DENND5B: variants seen among roughly 807,000 people sequenced by gnomAD.
DENND5B encodes the protein DENN domain-containing protein 5B.
Under a neutral mutation model 140.6 loss-of-function variants are expected in DENND5B, and 34 were observed. The ratio of observed to expected loss-of-function variants is 0.24; its 90% CI spans 0.18 to 0.32. The LOEUF (loss-of-function observed/expected upper bound fraction) is 0.32, where lower values mean the gene tolerates loss of function less well. Ranked by LOEUF, DENND5B falls within the 10% of genes least tolerant of loss-of-function variation. DENND5B has a pLI of 1.00. For missense variants in DENND5B, 1,142 were observed against 1,560.2 expected (o/e 0.73, Z 4.52); for synonymous variants, 551 against 562.1 (o/e 0.98, Z 0.28).
chr12:31,390,073 A>T (rs896469360), intron 19 of DENND5B, among the ~76,000 whole-genome samples: 6 of 152,182 alleles, frequency 3.9e-5, no homozygotes, highest in African/African-American at 1.4e-4. Context: ...AGTTAGATGA[A>T]ATAAACTACT....
chr12:31,590,848 C>G lies in DENND5B; in HGVS notation c.-16G>C. 3.3e-6 allele frequency: 4 copies of G among 1,209,448 alleles called. No individual in the cohort carries two copies. The South Asian group carries it at 1.2e-4, about 36-fold the overall frequency. The allele number at this position is 1,209,448 out of a possible 1,614,324, so 74.9% of individuals were successfully genotyped here. On this transcript the variant is annotated 5_prime_UTR_variant, in exon 1 of 21. Transcript: ENST00000389082. ...TCCCGCTCATCCCGGCCGCGCTGCT[C>G]CAGGGGCCGCCGCCGCCGCCGCCCG...
Position 31,426,443 on chromosome 12 carries a change from T to A in DENND5B, c.2107-19A>T. Reference sequence around the variant, plus strand: ...TATATTTCTAAAAAATCAAGGAGTATTTTTAATGCGTAAACATTAGCTATT... The same window carrying A: ...TATATTTCTAAAAAATCAAGGAGTAATTTTAATGCGTAAACATTAGCTATT... On this transcript the variant is annotated intron_variant, in intron 8 of 20. Transcript: ENST00000389082. 6.2e-7 allele frequency: 1 copy of A among 1,602,664 alleles called. No homozygotes were observed. Among genetic ancestry groups the A allele is most frequent in the Non-Finnish European group, 8.5e-7 (1 of 1,174,686 alleles).
At chr12:31,475,741 C>A (rs192264833) in intron 3 of DENND5B, among the ~76,000 whole-genome samples, 40 of 150,104 alleles carry the variant, frequency 2.7e-4, no homozygotes, top group Admixed American at 1.7e-3. Flanking sequence ...AGAGTGACAC[C>A]CTGTCTCAAA....
Position 31,590,765 on chromosome 12 carries a change from T to G in DENND5B, c.68A>C (p.His23Pro). Residue 23 changes from histidine to proline, a missense_variant, in exon 1 of 21, where the codon CAC becomes CCC. By Grantham distance (77) the His-to-Pro change is moderately conservative (BLOSUM62 -2). Around this residue, in one of 5 missense-constraint regions of DENND5B, gnomAD observed 708 missense variants for 905.5 expected, o/e 0.78. Transcript: ENST00000389082. Reference sequence around the variant, plus strand: ...GTCGATCCCGCACAGCACGAAGTAGTGCGCGAAGCGGCAGGCGGCCGGGGA... The same window carrying G: ...GTCGATCCCGCACAGCACGAAGTAGGGCGCGAAGCGGCAGGCGGCCGGGGA... ...GSSPAACRFAHYFVLCGIDAD... is the reference protein window; with the variant it reads ...GSSPAACRFAPYFVLCGIDAD... 7.2e-7 allele frequency: 1 copy of G among 1,395,586 alleles called. No individual in the cohort carries two copies. The highest frequency in any genetic ancestry group is 9.3e-7 in the Non-Finnish European group (1 of 1,074,072). The allele number at this position is 1,395,586 out of a possible 1,614,324, so 86.5% of individuals were successfully genotyped here.
intron 1 of DENND5B, among the ~76,000 whole-genome samples, chr12:31,513,723 G>A (rs926053045): frequency 6.6e-6 from 1 of 151,770 alleles, no homozygotes; most frequent in African/African-American, 2.4e-5. Flanking sequence ...CATATTTCTT[G>A]CCCCATTTCT....
rs1288897854 is a variant in DENND5B at position 31,479,533 on chromosome 12, T to A, written c.904+56A>T. Reference sequence around the variant, plus strand: ...AATAATATACCCCATGGAAACACAGTAGTTGGGAGCAAAAGTACTTGTTTT... The same window carrying A: ...AATAATATACCCCATGGAAACACAGAAGTTGGGAGCAAAAGTACTTGTTTT... On this transcript the variant is annotated intron_variant, in intron 3 of 20. Coordinates refer to ENST00000389082, the MANE Select transcript of DENND5B (RefSeq NM_144973.4). 5 of 1,400,862 alleles carry A rather than the reference T, an allele frequency of 3.6e-6. No homozygotes were observed. The East Asian group carries it at 1.0e-4, about 28-fold the overall frequency. The allele number at this position is 1,400,862 out of a possible 1,614,324, so 86.8% of individuals were successfully genotyped here.
intron 13 of DENND5B, 27 bp from the exon 14 acceptor site, chr12:31,409,411 A>C: frequency 1.4e-6 from 2 of 1,409,476 alleles, no homozygotes; most frequent in Non-Finnish European, 9.3e-7. Context: ...CAAGCACAAG[A>C]CAGTAGTATC....
intron 1 of DENND5B, among the ~76,000 whole-genome samples, chr12:31,521,327 T>TA (rs397748082): frequency 1.4e-5 from 2 of 142,050 alleles, no homozygotes; most frequent in African/African-American, 5.1e-5. Context: ...TTTTTTTTTT[T>TA]AATATTTAGA....
intron 9 of DENND5B, 100 bp downstream of exon 9, chr12:31,426,193 A>C: frequency 7.2e-7 from 1 of 1,396,886 alleles, no homozygotes; most frequent in Non-Finnish European, 9.4e-7. Context: ...TTCTTCTAGC[A>C]AAATTACATG....
chr12:31,487,724 C>CA (rs1346303017), intron 2 of DENND5B, among the ~76,000 whole-genome samples: 2 of 151,996 alleles, frequency 1.3e-5, no homozygotes, highest in Admixed American at 6.6e-5. Flanking sequence ...ACAAAAACAA[C>CA]AAAAAACCCT....
chr12:31,487,979 G>A (rs962244228), intron 2 of DENND5B, among the ~76,000 whole-genome samples: 4 of 152,138 alleles, frequency 2.6e-5, no homozygotes, highest in Admixed American at 6.5e-5. Context: ...TTTTGGAGAC[G>A]GAATCTCACT....
intron 6 of DENND5B, among the ~76,000 whole-genome samples, chr12:31,445,284 A>G (rs1265663592): frequency 3.3e-5 from 5 of 152,246 alleles, no homozygotes; most frequent in Non-Finnish European, 7.3e-5. Flanking sequence ...TGTGCCAGAA[A>G]TCAGACCTGG....
At chr12:31,513,574 G>A (rs1947506946) in intron 1 of DENND5B, among the ~76,000 whole-genome samples, 1 of 152,058 alleles carries the variant, frequency 6.6e-6, no homozygotes, top group Admixed American at 6.6e-5. Context: ...TCTGCTCAGT[G>A]TGTTCCAGTT....
intron 1 of DENND5B, among the ~76,000 whole-genome samples, chr12:31,521,969 AT>A (rs1947908173): frequency 6.6e-6 from 1 of 152,156 alleles, no homozygotes; most frequent in African/African-American, 2.4e-5. Context: ...ATACAAATTT[AT>A]ATTTGGCCCT....
chr12:31,464,516 C>T (rs2682683), intron 3 of DENND5B, among the ~76,000 whole-genome samples: 11,804 of 152,120 alleles, frequency 0.078, 1,038 homozygotes, highest in African/African-American at 0.22. Context: ...TCTCTCTTCC[C>T]CAATACCCCA....
At chr12:31,529,197 AG>A (rs1474207926) in intron 1 of DENND5B, among the ~76,000 whole-genome samples, 2 of 151,548 alleles carry the variant, frequency 1.3e-5, no homozygotes, top group African/African-American at 4.8e-5. Flanking sequence ...AAAAGGCATG[AG>A]GTATTGGATG....
At chr12:31,449,630 T>C (rs1047213325) in intron 5 of DENND5B, among the ~76,000 whole-genome samples, 1 of 152,118 alleles carries the variant, frequency 6.6e-6, no homozygotes, top group African/African-American at 2.4e-5. Flanking sequence ...ATTTATATAG[T>C]TTGAGGCTAC....
chr12:31,573,759 A>G (rs1199225821), intron 1 of DENND5B, among the ~76,000 whole-genome samples: 1 of 152,194 alleles, frequency 6.6e-6, no homozygotes, highest in Non-Finnish European at 1.5e-5. Flanking sequence ...TTTGTGTTCT[A>G]AGTGGCAGAG....
Position 31,433,259 on chromosome 12 carries a change from C to G in DENND5B, c.2013-11G>C. The G allele has an allele frequency of 6.2e-7, 1 of 1,604,668 alleles. No homozygotes were observed. The highest frequency in any genetic ancestry group is 8.5e-7 in the Non-Finnish European group (1 of 1,176,490). ...CGACTTACCCAGCGACTGAAACAAT[C>G]AAATTATTTAAAAATGTGTTCCTTA... On this transcript the variant is annotated splice_polypyrimidine_tract_variant and intron_variant, in intron 7 of 20. Coordinates refer to ENST00000389082, the MANE Select transcript of DENND5B (RefSeq NM_144973.4).
Sources: gnomAD v4.1 joint callset for allele counts (sites outside exome capture counted in the v4.1 genomes callset) on GRCh38, gnomAD v4.1.1 for gene constraint, gnomAD v4.1.1 regional missense constraint, MANE v1.5 for transcripts, NCBI Gene and HGNC (gene_info 2026-07-23, HGNC 2026-07-21) for gene names.